KCNQ1OT1: variants seen among roughly 807,000 people sequenced by gnomAD.
KCNQ1OT1 encodes KCNQ1 opposite strand/antisense transcript 1.
chr11:2,674,853 A>AG lies in KCNQ1OT1; in HGVS notation n.25141_25142insC. ...TTTTTAAAAAAAAAAAAAAAAAAAA[A>AG]AAAAAAAGCTCACTGGGCACCTTGG... is the stretch of plus-strand genomic sequence containing the variant. On this transcript the variant is annotated non_coding_transcript_exon_variant, in exon 1 of 1. Transcript: ENST00000597346. This position sits in a 1 kb window ranked among gnomAD's most constrained non-coding sequence, Gnocchi z 5.9. 1 of 397,484 alleles carries AG rather than the reference A, an allele frequency of 2.5e-6. No individual in the cohort carries two copies. Among genetic ancestry groups the AG allele is most frequent in the Admixed American group, 4.4e-5 (1 of 22,658 alleles). 24.6% of individuals were successfully genotyped at this position (397,484 alleles called of 1,614,324 possible). A position where few individuals can be genotyped will look rare whatever the true frequency, so the allele number is the denominator to read the frequency against.
At chr11:2,660,692 G>A in exon 1 of KCNQ1OT1, 1 of 398,570 alleles carries the variant, frequency 2.5e-6, no homozygotes, top group African/African-American at 2.1e-5. Context: ...CCCTGCAAAA[G>A]GTGCTGACAA....
chr11:2,662,205 C>A, exon 1 of KCNQ1OT1: 3 of 1,356,402 alleles, frequency 2.2e-6, no homozygotes, highest in South Asian at 2.6e-5. Flanking sequence ...GTGCCCACCA[C>A]TTGCCGTCTG....
At chr11:2,644,798 A>G in exon 1 of KCNQ1OT1, 1 of 398,444 alleles carries the variant, frequency 2.5e-6, no homozygotes, top group Admixed American at 4.4e-5. Context: ...TCTCCATGGA[A>G]TTTTTTTCAG....
At position 2,673,519 on chromosome 11, in the gene KCNQ1OT1, C is replaced by G. The variant is rs1850227559; in HGVS notation, n.26476G>C. 2.5e-6 allele frequency: 1 copy of G among 398,694 alleles called. No homozygotes were observed. Among genetic ancestry groups the G allele is most frequent in the East Asian group, 3.6e-5 (1 of 28,082 alleles). The allele number at this position is 398,694 out of a possible 1,614,324, so 24.7% of individuals were successfully genotyped here. On this transcript the variant is annotated non_coding_transcript_exon_variant, in exon 1 of 1. Coordinates refer to ENST00000597346, the Ensembl canonical transcript of KCNQ1OT1. This position sits in a 1 kb window ranked among gnomAD's most constrained non-coding sequence, Gnocchi z 4.5. ...CACAACCACTTGTTGATGCTGACAGCCTGTAGAAAGATTGCTCTCAGCCTA... is the reference window on the plus strand; with the variant it reads ...CACAACCACTTGTTGATGCTGACAGGCTGTAGAAAGATTGCTCTCAGCCTA...
exon 1 of KCNQ1OT1, chr11:2,696,967 T>C: frequency 2.5e-6 from 1 of 398,564 alleles, no homozygotes; most frequent in East Asian, 3.6e-5. Context: ...TTAAGTTCCT[T>C]AATTTTTTTT....
chr11:2,662,282 A>G lies in KCNQ1OT1; in HGVS notation n.37713T>C, dbSNP rs1178587734. The G allele has an allele frequency of 8.1e-6, 5 of 620,526 alleles. No individual in the cohort carries two copies. The East Asian group carries it at 1.4e-4, about 17-fold the overall frequency. 38.4% of individuals were successfully genotyped at this position (620,526 alleles called of 1,614,324 possible). A position where few individuals can be genotyped will look rare whatever the true frequency, so the allele number is the denominator to read the frequency against. ...AGGGCACTTCCCACTGAGCCTGGGA[A>G]CATGATCCTCTTGTTTTGACTTATG... is the stretch of plus-strand genomic sequence containing the variant. On this transcript the variant is annotated non_coding_transcript_exon_variant, in exon 1 of 1. Transcript: ENST00000597346.
Position 2,682,346 on chromosome 11 carries a change from G to T in KCNQ1OT1, n.17649C>A, listed in dbSNP as rs1379927069. 2.5e-6 allele frequency: 1 copy of T among 398,496 alleles called. No homozygotes were observed. The highest frequency in any genetic ancestry group is 4.4e-6 in the Non-Finnish European group (1 of 226,088). The allele number at this position is 398,496 out of a possible 1,614,324, so 24.7% of individuals were successfully genotyped here. A position where few individuals can be genotyped will look rare whatever the true frequency, so the allele number is the denominator to read the frequency against. On this transcript the variant is annotated non_coding_transcript_exon_variant, in exon 1 of 1. Coordinates refer to ENST00000597346, the Ensembl canonical transcript of KCNQ1OT1. This position sits in a 1 kb window ranked among gnomAD's most constrained non-coding sequence, Gnocchi z 5.8. Reference sequence around the variant, plus strand: ...ACTGTGTGTTTATTTGTGGTAAAGGGTTTACTGGCTGGCTCCTTCTATCAC... The same window carrying T: ...ACTGTGTGTTTATTTGTGGTAAAGGTTTTACTGGCTGGCTCCTTCTATCAC...
rs893164820 is a variant in KCNQ1OT1 at position 2,654,697 on chromosome 11, G to A, written n.45298C>T. On this transcript the variant is annotated non_coding_transcript_exon_variant, in exon 1 of 1. Coordinates refer to ENST00000597346, the Ensembl canonical transcript of KCNQ1OT1. This position sits in a 1 kb window ranked among gnomAD's most constrained non-coding sequence, Gnocchi z 6.4. ...GCTGGAGCTTTGAGCTTTGTCATAG[G>A]CTGGACTTGGGGCTTGAATGCTGAC... 1.3e-5 allele frequency: 5 copies of A among 398,690 alleles called. No homozygotes were observed. The highest frequency in any genetic ancestry group is 8.2e-5 in the African/African-American group (4 of 48,594). 24.7% of individuals were successfully genotyped at this position (398,690 alleles called of 1,614,324 possible).
At chr11:2,681,654 G>A (rs1263156727) in exon 1 of KCNQ1OT1, 3 of 326,384 alleles carry the variant, frequency 9.2e-6, no homozygotes, top group African/African-American at 2.9e-5. Flanking sequence ...CCCTCTCTCA[G>A]GAGAAGGTGC....
chr11:2,638,185 G>A (rs1021199298), exon 1 of KCNQ1OT1: 7 of 152,150 alleles, frequency 4.6e-5, no homozygotes, highest in African/African-American at 1.7e-4. Context: ...TACATTTAAG[G>A]TTAATATTGT....
chr11:2,643,885 G>GT lies in KCNQ1OT1; in HGVS notation n.56109dup, dbSNP rs1046441105. 4.5e-4 allele frequency: 178 copies of GT among 398,516 alleles called. No homozygotes were observed. Among genetic ancestry groups the GT allele is most frequent in the African/African-American group, 3.3e-3 (159 of 48,728 alleles). 24.7% of individuals were successfully genotyped at this position (398,516 alleles called of 1,614,324 possible). A position where few individuals can be genotyped will look rare whatever the true frequency, so the allele number is the denominator to read the frequency against. On this transcript the variant is annotated non_coding_transcript_exon_variant, in exon 1 of 1. Transcript: ENST00000597346. ...TAAGTACAGTATTCCTGGCTGGCAG[G>GT]TTTTTGGTTTTGTTTTTTCTTTCAG...
At chr11:2,643,630 T>C (rs1849614850) in exon 1 of KCNQ1OT1, 1 of 398,386 alleles carries the variant, frequency 2.5e-6, no homozygotes. Context: ...AAGTAGAAAG[T>C]TTAATCTATT....
chr11:2,608,561 G>C lies in KCNQ1OT1; in HGVS notation n.91434C>G, dbSNP rs1331232270. ...TGTAATCATAGCTCACTGTAACCTC[G>C]ATCTCCTAGTCTCAAGTGATCCTTG... On this transcript the variant is annotated non_coding_transcript_exon_variant, in exon 1 of 1. Transcript: ENST00000597346. The surrounding 1 kb of genome is among the most constrained non-coding windows in gnomAD (Gnocchi z 4.6). The C allele has an allele frequency of 6.3e-5, 25 of 398,228 alleles. No individual in the cohort carries two copies. In the East Asian group the frequency reaches 8.9e-4, roughly 14 times the overall value. 24.7% of individuals were successfully genotyped at this position (398,228 alleles called of 1,614,324 possible). A position where few individuals can be genotyped will look rare whatever the true frequency, so the allele number is the denominator to read the frequency against.
At chr11:2,614,167 A>G in exon 1 of KCNQ1OT1, 1 of 398,370 alleles carries the variant, frequency 2.5e-6, no homozygotes, top group Non-Finnish European at 4.4e-6. Context: ...AATCGAATCT[A>G]CCCCCAAGAG....
At chr11:2,638,980 A>T (rs1243086966) in exon 1 of KCNQ1OT1, 1 of 152,070 alleles carries the variant, frequency 6.6e-6, no homozygotes, top group Non-Finnish European at 1.5e-5. Context: ...TCAATCACCG[A>T]TATCCTTTCT....
rs1849871023 is a variant in KCNQ1OT1, at chr11:2,657,514, CAA to C, written n.42479_42480del. ...ACATTTTTTATTTACAGAAGAGAAA[CAA>C]AAATAGTACCGAGTACCCACATCCC... On this transcript the variant is annotated non_coding_transcript_exon_variant, in exon 1 of 1. Coordinates refer to ENST00000597346, the Ensembl canonical transcript of KCNQ1OT1. This position sits in a 1 kb window ranked among gnomAD's most constrained non-coding sequence, Gnocchi z 4.8. 5.0e-6 allele frequency: 2 copies of C among 398,360 alleles called. No individual in the cohort carries two copies. Among genetic ancestry groups the C allele is most frequent in the Non-Finnish European group, 8.8e-6 (2 of 226,036 alleles). 24.7% of individuals were successfully genotyped at this position (398,360 alleles called of 1,614,324 possible).
At position 2,670,583 on chromosome 11, in the gene KCNQ1OT1, C is replaced by T. The variant is rs1355405308; in HGVS notation, n.29412G>A. ...ATCACTGGGAGATAGGAGCAGAAGC[C>T]AGGGCTCATTCCCAGACACACAATC... On this transcript the variant is annotated non_coding_transcript_exon_variant, in exon 1 of 1. Transcript: ENST00000597346. This position sits in a 1 kb window ranked among gnomAD's most constrained non-coding sequence, Gnocchi z 4.9. The T allele has an allele frequency of 1.5e-5, 6 of 398,104 alleles. No homozygotes were observed. Among genetic ancestry groups the T allele is most frequent in the Non-Finnish European group, 2.7e-5 (6 of 226,024 alleles). The allele number at this position is 398,104 out of a possible 1,614,324, so 24.7% of individuals were successfully genotyped here. A position where few individuals can be genotyped will look rare whatever the true frequency, so the allele number is the denominator to read the frequency against.
exon 1 of KCNQ1OT1, chr11:2,638,919 ACT>A (rs1849524400): frequency 6.6e-6 from 1 of 151,448 alleles, no homozygotes; most frequent in African/African-American, 2.4e-5. Flanking sequence ...GTTTGTTTTT[ACT>A]CTTTTTTCTC....
Position 2,668,731 on chromosome 11 carries a change from C to T in KCNQ1OT1, n.31264G>A, listed in dbSNP as rs1850128519. 5 of 398,596 alleles carry T rather than the reference C, an allele frequency of 1.3e-5. No homozygotes were observed. The highest frequency in any genetic ancestry group is 8.8e-5 in the Admixed American group (2 of 22,732). The allele number at this position is 398,596 out of a possible 1,614,324, so 24.7% of individuals were successfully genotyped here. A position where few individuals can be genotyped will look rare whatever the true frequency, so the allele number is the denominator to read the frequency against. On this transcript the variant is annotated non_coding_transcript_exon_variant, in exon 1 of 1. Transcript: ENST00000597346. This position sits in a 1 kb window ranked among gnomAD's most constrained non-coding sequence, Gnocchi z 4.3. Reference sequence around the variant, plus strand: ...TCACAGACACACACATTGCAAATATCGCCTCCCCCTCTGCAGGCTGCCTTC... The same window carrying T: ...TCACAGACACACACATTGCAAATATTGCCTCCCCCTCTGCAGGCTGCCTTC...
Sources: gnomAD v4.1 joint callset for allele counts on GRCh38, gnomAD v4.1.1 for gene constraint, Gnocchi (gnomAD v3.1) non-coding constraint, MANE v1.5 for transcripts, NCBI Gene and HGNC (gene_info 2026-07-23, HGNC 2026-07-21) for gene names.